The following MVB12B variants were observed in gnomAD, a reference collection of about 807,000 sequenced individuals.
MVB12B encodes ESCRT-I complex subunit MVB12B.
A neutral mutation model predicts 41.6 loss-of-function variants in MVB12B; 16 were observed. The ratio of observed to expected loss-of-function variants is 0.38; its 90% CI spans 0.26 to 0.58. The LOEUF is 0.58. Ranked by LOEUF, MVB12B falls within the 20% of genes least tolerant of loss-of-function variation. The pLI is 0.62. For missense variants in MVB12B, 274 were observed against 380.2 expected (o/e 0.72, Z 2.32); for synonymous variants, 133 against 139.7 (o/e 0.95, Z 0.34).
chr9:126,353,823 C>G (rs148832120), intron 2 of MVB12B, among the ~76,000 whole-genome samples: 1 of 152,284 alleles, frequency 6.6e-6, no homozygotes, highest in Admixed American at 6.5e-5. Flanking sequence ...CTGTGAAAAG[C>G]AATGCTGATG....
intron 1 of MVB12B, among the ~76,000 whole-genome samples, chr9:126,332,092 C>T (rs569730514): frequency 5.3e-5 from 8 of 152,246 alleles, no homozygotes; most frequent in East Asian, 1.9e-4. Flanking sequence ...TGCAGTTCCC[C>T]GAGCAGTCCC....
Position 126,505,105 on chromosome 9 carries a change from A to G in MVB12B, c.*1842A>G, listed in dbSNP as rs1834039747. On this transcript the variant is annotated 3_prime_UTR_variant, in exon 10 of 10. Coordinates refer to ENST00000361171, the MANE Select transcript of MVB12B (RefSeq NM_033446.3). ...AGCTCTGGCCACTTCTGCCCACTTC[A>G]TTAGGGTTTGTGAACTTTGTCCTTC... is the stretch of plus-strand genomic sequence containing the variant. 6.6e-6 allele frequency: 1 copy of G among 152,250 alleles called. No homozygotes were observed. The highest frequency in any genetic ancestry group is 1.5e-5 in the Non-Finnish European group (1 of 68,066). The allele number at this position is 152,250 out of a possible 1,614,324, so 9.4% of individuals were successfully genotyped here. A position where few individuals can be genotyped will look rare whatever the true frequency, so the allele number is the denominator to read the frequency against.
rs1432036621 is a variant in MVB12B at position 126,449,825 on chromosome 9, A to G, written c.757+27877A>G. ...TTATTGAGCTAAGTCACCTTCATATATAAACTCATTTAATCCTTGAAACCA... is the reference window on the plus strand; with the variant it reads ...TTATTGAGCTAAGTCACCTTCATATGTAAACTCATTTAATCCTTGAAACCA... On this transcript the variant is annotated intron_variant, in intron 7 of 9. Coordinates refer to ENST00000361171, the MANE Select transcript of MVB12B (RefSeq NM_033446.3). Among the ~76,000 whole-genome samples, 3 of 152,204 alleles carry G rather than the reference A, an allele frequency of 2.0e-5. No individual in the cohort carries two copies. In the East Asian group the frequency reaches 5.8e-4, roughly 29 times the overall value.
At chr9:126,347,114 G>A (rs1176158981) in intron 2 of MVB12B, among the ~76,000 whole-genome samples, 2 of 152,230 alleles carry the variant, frequency 1.3e-5, no homozygotes, top group African/African-American at 4.8e-5. Flanking sequence ...TGATGAGAAG[G>A]AACCAAAGAA....
intron 2 of MVB12B, among the ~76,000 whole-genome samples, chr9:126,343,772 C>T (rs1312547106): frequency 6.6e-6 from 1 of 152,164 alleles, no homozygotes; most frequent in East Asian, 1.9e-4. Flanking sequence ...AAAACATTAG[C>T]TGGGCGTGGT....
chr9:126,353,885 T>A (rs1322733433), intron 2 of MVB12B, among the ~76,000 whole-genome samples: 1 of 152,210 alleles, frequency 6.6e-6, no homozygotes, highest in Middle Eastern at 3.2e-3. Flanking sequence ...GATCAAAGGA[T>A]GTGTACATTT....
At chr9:126,383,563 A>G (rs1047144290) in intron 3 of MVB12B, among the ~76,000 whole-genome samples, 2 of 152,208 alleles carry the variant, frequency 1.3e-5, no homozygotes, top group African/African-American at 4.8e-5. Flanking sequence ...ATACTAGCAA[A>G]TACTGGCTAC....
intron 9 of MVB12B, among the ~76,000 whole-genome samples, chr9:126,487,778 A>AAT (rs1369564663): frequency 3.9e-5 from 6 of 152,058 alleles, no homozygotes; most frequent in East Asian, 1.9e-4. Context: ...AAAAAAAAAA[A>AAT]AAAAATAACA....
At chr9:126,360,853 C>G (rs1830011974) in intron 2 of MVB12B, among the ~76,000 whole-genome samples, 1 of 152,176 alleles carries the variant, frequency 6.6e-6, no homozygotes, top group Admixed American at 6.5e-5. Flanking sequence ...TGTTAATATT[C>G]CTTTCTCTGA....
intron 3 of MVB12B, among the ~76,000 whole-genome samples, chr9:126,383,717 C>T (rs1458061089): frequency 6.6e-6 from 1 of 151,866 alleles, no homozygotes; most frequent in Non-Finnish European, 1.5e-5. Context: ...GAGGAACAGG[C>T]AAAATTAATG....
intron 6 of MVB12B, among the ~76,000 whole-genome samples, chr9:126,398,863 C>T (rs1427618694): frequency 1.3e-5 from 2 of 152,232 alleles, no homozygotes; most frequent in Non-Finnish European, 2.9e-5. Context: ...CTTGTGTCAT[C>T]GCTCAGATTT....
intron 7 of MVB12B, among the ~76,000 whole-genome samples, chr9:126,463,201 T>C (rs987898800): frequency 1.3e-5 from 2 of 152,116 alleles, no homozygotes; most frequent in Non-Finnish European, 2.9e-5. Context: ...AACACACCTC[T>C]GCGTAGGTTG....
At chr9:126,373,330 C>G (rs1185503405) in intron 2 of MVB12B, among the ~76,000 whole-genome samples, 1 of 152,228 alleles carries the variant, frequency 6.6e-6, no homozygotes, top group Non-Finnish European at 1.5e-5. Context: ...AGGCTCCTTG[C>G]CTCTGCTGTG....
chr9:126,407,032 A>C (rs939659843), intron 6 of MVB12B, among the ~76,000 whole-genome samples: 1 of 152,192 alleles, frequency 6.6e-6, no homozygotes, highest in Non-Finnish European at 1.5e-5. Context: ...GAATAGTTTG[A>C]AATTCAACAC....
At chr9:126,418,125 C>A (rs1270091350) in intron 6 of MVB12B, among the ~76,000 whole-genome samples, 2 of 150,368 alleles carry the variant, frequency 1.3e-5, no homozygotes, top group Admixed American at 1.3e-4. Flanking sequence ...CCCTTGCAAA[C>A]AGCAACCTTG....
intron 9 of MVB12B, among the ~76,000 whole-genome samples, chr9:126,488,305 T>C (rs1833662817): frequency 6.7e-6 from 1 of 150,200 alleles, no homozygotes; most frequent in Non-Finnish European, 1.5e-5. Context: ...CAGAATTTGC[T>C]TTGCTCACTG....
chr9:126,339,865 G>C (rs1206021363), intron 1 of MVB12B, among the ~76,000 whole-genome samples: 1 of 152,148 alleles, frequency 6.6e-6, no homozygotes, highest in Admixed American at 6.5e-5. Context: ...CCTCACAGCA[G>C]CTCTGCAAGG....
chr9:126,444,210 T>C (rs1832711442), intron 7 of MVB12B, among the ~76,000 whole-genome samples: 1 of 152,238 alleles, frequency 6.6e-6, no homozygotes, highest in Admixed American at 6.5e-5. Flanking sequence ...TTCTAAAAGT[T>C]ATACTTCGGT....
chr9:126,330,361 C>A (rs186447512), intron 1 of MVB12B, among the ~76,000 whole-genome samples: 91 of 152,004 alleles, frequency 6.0e-4, no homozygotes, highest in Non-Finnish European at 1.1e-3. Context: ...TTCTAATCAG[C>A]AGAGCAGAAT....
Sources: allele counts gnomAD v4.1 joint callset (sites outside exome capture counted in the v4.1 genomes callset), GRCh38; gene constraint gnomAD v4.1.1; transcripts MANE v1.5; gene names NCBI Gene and HGNC (gene_info 2026-07-23, HGNC 2026-07-21).